Variants in LRRC4C observed in about 807,000 individuals in gnomAD.
The protein encoded by LRRC4C is leucine rich repeat containing 4C.
In LRRC4C, 5 loss-of-function variants were observed where a neutral mutation model predicts 33.6. The ratio of observed to expected loss-of-function variants is 0.15; its 90% CI spans 0.08 to 0.31. The LOEUF is 0.31. Ranked by LOEUF, LRRC4C falls within the 10% of genes least tolerant of loss-of-function variation. LRRC4C has a pLI of 1.00. For synonymous variants in LRRC4C, 329 were observed against 302.0 expected, an observed-to-expected ratio of 1.09 and a Z score of -0.93; for missense variants, 560 against 796.7, an observed-to-expected ratio of 0.70 and a Z score of 3.58.
At chr11:41,244,862 T>TA (rs1948389782) in intron 1 of LRRC4C, among the ~76,000 whole-genome samples, 1 of 152,062 alleles carries the variant, frequency 6.6e-6, no homozygotes, top group South Asian at 2.1e-4. Flanking sequence ...AGTAGACAAA[T>TA]ACTCACGACT....
intron 1 of LRRC4C, among the ~76,000 whole-genome samples, chr11:41,420,615 A>G (rs1217103445): frequency 6.6e-6 from 1 of 151,992 alleles, no homozygotes; most frequent in East Asian, 1.9e-4. Context: ...TCACAAATAT[A>G]TTTTGCTATT....
At position 40,129,407 on chromosome 11, in the gene LRRC4C, T is replaced by G. The variant is rs565196033; in HGVS notation, c.-43+11394A>C. On this transcript the variant is annotated intron_variant, in intron 6 of 6. Coordinates refer to ENST00000528697, the MANE Select transcript of LRRC4C (RefSeq NM_001258419.2). ...ATAAAGTCGGGGAGATTTCCCTATT[T>G]CTTTTTCTCTGTCTATTATTATCAG... is the stretch of plus-strand genomic sequence containing the variant. Among the ~76,000 whole-genome samples, 76 of 152,290 alleles carry G rather than the reference T, an allele frequency of 5.0e-4. 2 individuals carry two copies. In the South Asian group the frequency reaches 0.015, roughly 30 times the overall value.
rs368397399 is a variant in LRRC4C at position 41,429,705 on chromosome 11, G to A, written c.-496+29726C>T. On this transcript the variant is annotated intron_variant, in intron 1 of 6. Transcript: ENST00000528697. ...GCCACTGCAGTGAATAAGCAGGGCC[G>A]ACTATGAAAGACATACTCTGCAGAA... Among the ~76,000 whole-genome samples the A allele has an allele frequency of 4.6e-5, 7 of 152,076 alleles. No homozygotes were observed. The South Asian group carries it at 6.2e-4, about 14-fold the overall frequency.
intron 3 of LRRC4C, among the ~76,000 whole-genome samples, chr11:40,487,976 A>G (rs568613162): frequency 2.4e-4 from 36 of 152,210 alleles, no homozygotes; most frequent in African/African-American, 8.2e-4. Context: ...TATTATCAAC[A>G]TCCACATTAA....
chr11:41,421,251 A>G (rs577998388), intron 1 of LRRC4C, among the ~76,000 whole-genome samples: 1 of 152,098 alleles, frequency 6.6e-6, no homozygotes, highest in Admixed American at 6.6e-5. Flanking sequence ...AATCCCAACC[A>G]TAGGCTTTAT....
chr11:40,417,657 A>G (rs1049756608), intron 3 of LRRC4C, among the ~76,000 whole-genome samples: 1 of 151,980 alleles, frequency 6.6e-6, no homozygotes, highest in South Asian at 2.1e-4. Flanking sequence ...TGGCCAAAAC[A>G]TGTAATTTCA....
At chr11:40,314,260 A>G (rs2136784643) in intron 4 of LRRC4C, among the ~76,000 whole-genome samples, 1 of 152,252 alleles carries the variant, frequency 6.6e-6, no homozygotes, top group East Asian at 1.9e-4. Context: ...GATATTTTTC[A>G]ATAGAAGGCA....
intron 1 of LRRC4C, among the ~76,000 whole-genome samples, chr11:41,374,834 T>C (rs529636586): frequency 8.5e-5 from 13 of 152,184 alleles, no homozygotes; most frequent in African/African-American, 3.1e-4. Flanking sequence ...TATGTAACCT[T>C]AAAATATTAT....
At chr11:40,298,885 G>C (rs1944640182) in intron 4 of LRRC4C, among the ~76,000 whole-genome samples, 1 of 152,042 alleles carries the variant, frequency 6.6e-6, no homozygotes, top group African/African-American at 2.4e-5. Flanking sequence ...TCACTATTTT[G>C]AAAAGAGCAT....
intron 3 of LRRC4C, among the ~76,000 whole-genome samples, chr11:40,321,617 T>C (rs1028103445): frequency 6.6e-6 from 1 of 152,206 alleles, no homozygotes; most frequent in Non-Finnish European, 1.5e-5. Flanking sequence ...TACTTTTTCT[T>C]ACTATGAACT....
chr11:40,908,664 C>T (rs775740599), intron 2 of LRRC4C, among the ~76,000 whole-genome samples: 3 of 152,018 alleles, frequency 2.0e-5, no homozygotes, highest in Non-Finnish European at 4.4e-5. Context: ...GTGCTCTTGC[C>T]CTATCCAACT....
chr11:40,311,573 C>A (rs10734483), intron 4 of LRRC4C, among the ~76,000 whole-genome samples: 93,577 of 152,028 alleles, frequency 0.62, 29,510 homozygotes, highest in East Asian at 0.77. Context: ...TGCTGTACAA[C>A]AGCTGAGATT....
In LRRC4C at chr11:40,585,989, G is replaced by C. The variant is rs1958718679; in HGVS notation, c.-270+62153C>G. ...TTATAGTCCTTTGGGTATATACCCA[G>C]TAATGGGATGGCTGGCTCAAATGGT... On this transcript the variant is annotated intron_variant, in intron 3 of 6. Coordinates refer to ENST00000528697, the MANE Select transcript of LRRC4C (RefSeq NM_001258419.2). Among the ~76,000 whole-genome samples, 3 of 136,476 alleles carry C rather than the reference G, an allele frequency of 2.2e-5. 1 individual carries two copies. In the Admixed American group the frequency reaches 2.2e-4, roughly 10 times the overall value. 89.5% of individuals were successfully genotyped at this position (136,476 alleles called of 152,430 possible).
intron 2 of LRRC4C, among the ~76,000 whole-genome samples, chr11:40,859,340 T>C (rs937714027): frequency 1.3e-5 from 2 of 152,124 alleles, no homozygotes; most frequent in Non-Finnish European, 2.9e-5. Context: ...AGAAAGTCCG[T>C]AGTAATGAAA....
chr11:40,265,578 A>G (rs534889684), intron 4 of LRRC4C, among the ~76,000 whole-genome samples: 21 of 152,206 alleles, frequency 1.4e-4, no homozygotes, highest in Non-Finnish European at 2.4e-4. Context: ...TTTCTGGAGG[A>G]TAGACACAGC....
intron 2 of LRRC4C, among the ~76,000 whole-genome samples, chr11:40,758,272 A>G (rs1057327526): frequency 3.9e-5 from 6 of 152,002 alleles, no homozygotes; most frequent in Non-Finnish European, 5.9e-5. Context: ...CCTCCTACCA[A>G]TGGTTGACCT....
chr11:41,059,003 A>G (rs538267000), intron 1 of LRRC4C, among the ~76,000 whole-genome samples: 1 of 152,274 alleles, frequency 6.6e-6, no homozygotes. Context: ...AAGCTAAACA[A>G]TGAGTGCATA....
At chr11:41,045,683 T>C (rs1301475243) in intron 1 of LRRC4C, among the ~76,000 whole-genome samples, 6 of 152,104 alleles carry the variant, frequency 3.9e-5, no homozygotes, top group African/African-American at 1.4e-4. Flanking sequence ...CTAGAATGGA[T>C]TAGCCATCTC....
intron 1 of LRRC4C, among the ~76,000 whole-genome samples, chr11:41,172,714 T>C (rs746228658): frequency 6.6e-6 from 1 of 152,166 alleles, no homozygotes; most frequent in Non-Finnish European, 1.5e-5. Flanking sequence ...TTTAAACAGT[T>C]TTTACCAATT....
Sources: gnomAD v4.1 joint callset for allele counts (sites outside exome capture counted in the v4.1 genomes callset) on GRCh38, gnomAD v4.1.1 for gene constraint, MANE v1.5 for transcripts, NCBI Gene and HGNC (gene_info 2026-07-23, HGNC 2026-07-21) for gene names.